AUTS2: variants seen among roughly 807,000 people sequenced by gnomAD.
AUTS2 encodes activator of transcription and developmental regulator AUTS2.
AUTS2 carries 17 observed loss-of-function variants against 112.4 expected under a neutral mutation model. The observed-to-expected ratio is 0.15, with a 90% CI of 0.10 to 0.23. AUTS2 has a LOEUF of 0.23. Ranked by LOEUF, AUTS2 falls within the 10% of genes least tolerant of loss-of-function variation. AUTS2 has a pLI of 1.00. For synonymous variants in AUTS2, 751 were observed against 702.7 expected, an observed-to-expected ratio of 1.07 and a Z score of -1.09; for missense variants, 1,510 against 1,701.6, an observed-to-expected ratio of 0.89 and a Z score of 1.98.
chr7:69,925,014 G>A (rs954722285), intron 2 of AUTS2, among the ~76,000 whole-genome samples: 1 of 152,126 alleles, frequency 6.6e-6, no homozygotes, highest in Admixed American at 6.5e-5. Context: ...GGTAATTTAT[G>A]TCTTTTCAAG....
chr7:70,278,542 A>C (rs972922675), intron 4 of AUTS2, among the ~76,000 whole-genome samples: 3 of 152,010 alleles, frequency 2.0e-5, no homozygotes, highest in Non-Finnish European at 4.4e-5. Context: ...GTGTCACTGC[A>C]CTCCAGCCTG....
chr7:70,605,281 T>C (rs2129530859), intron 5 of AUTS2, among the ~76,000 whole-genome samples: 1 of 152,328 alleles, frequency 6.6e-6, no homozygotes, highest in East Asian at 1.9e-4. Flanking sequence ...TGTTCCTGGT[T>C]TTTGACGTTG....
intron 2 of AUTS2, among the ~76,000 whole-genome samples, chr7:70,043,969 G>C (rs533013100): frequency 2.0e-5 from 3 of 152,232 alleles, no homozygotes; most frequent in Admixed American, 1.3e-4. Context: ...TGAAGGGTGG[G>C]AGTAGGGGTG....
At position 70,366,427 on chromosome 7, in the gene AUTS2, G is replaced by A. The variant is rs141888428; in HGVS notation, c.661-69325G>A. ...CAGAGAGAGAGAAAGTGGAGGCAGT[G>A]TGAGCAAAGCAGGTGAAGGCTGTGG... On this transcript the variant is annotated intron_variant, in intron 4 of 18. Coordinates refer to ENST00000342771, the MANE Select transcript of AUTS2 (RefSeq NM_015570.4). Among the ~76,000 whole-genome samples, 344 of 152,314 alleles carry A rather than the reference G, an allele frequency of 2.3e-3. 7 individuals carry two copies. In the East Asian group the frequency reaches 0.045, roughly 20 times the overall value.
At chr7:69,833,731 G>A (rs892714148) in intron 1 of AUTS2, among the ~76,000 whole-genome samples, 2 of 152,202 alleles carry the variant, frequency 1.3e-5, no homozygotes, top group East Asian at 1.9e-4. Context: ...CACTGCGCCC[G>A]GCAATTATCC....
intron 6 of AUTS2, among the ~76,000 whole-genome samples, chr7:70,735,313 A>G (rs1321369246): frequency 6.6e-6 from 1 of 152,238 alleles, no homozygotes; most frequent in Non-Finnish European, 1.5e-5. Context: ...AAGGATGTCA[A>G]AACGACATGG....
At chr7:69,732,171 G>A (rs1029301468) in intron 1 of AUTS2, among the ~76,000 whole-genome samples, 2 of 151,968 alleles carry the variant, frequency 1.3e-5, no homozygotes, top group Non-Finnish European at 2.9e-5. Flanking sequence ...TGGGTGCTGT[G>A]CCAGGCTAAT....
chr7:70,478,259 A>G (rs886652892), intron 5 of AUTS2, among the ~76,000 whole-genome samples: 1 of 152,210 alleles, frequency 6.6e-6, no homozygotes, highest in Non-Finnish European at 1.5e-5. Flanking sequence ...AAGATCACTC[A>G]TAATTCCACC....
In AUTS2 at chr7:70,162,207, G is replaced by T. The variant is rs533904823; in HGVS notation, c.660+27636G>T. On this transcript the variant is annotated intron_variant, in intron 4 of 18. Transcript: ENST00000342771. ...CACGCCTGTAATCCCAGCACTTTGG[G>T]AGGCCGAGGCGGGCGGATCACGAGG... Among the ~76,000 whole-genome samples, 10 of 152,008 alleles carry T rather than the reference G, an allele frequency of 6.6e-5. No homozygotes were observed. In the South Asian group the frequency reaches 2.1e-3, roughly 32 times the overall value.
At chr7:70,380,221 C>T (rs1793304805) in intron 4 of AUTS2, among the ~76,000 whole-genome samples, 1 of 152,200 alleles carries the variant, frequency 6.6e-6, no homozygotes, top group Admixed American at 6.5e-5. Flanking sequence ...ATTCTCTCCT[C>T]TTTTCTGATT....
chr7:69,988,624 C>T (rs1044880124), intron 2 of AUTS2, among the ~76,000 whole-genome samples: 3 of 152,112 alleles, frequency 2.0e-5, no homozygotes, highest in African/African-American at 7.2e-5. Context: ...AGGTGATAGG[C>T]ACTCAACAAA....
At chr7:70,313,850 G>A (rs903424155) in intron 4 of AUTS2, among the ~76,000 whole-genome samples, 1 of 152,188 alleles carries the variant, frequency 6.6e-6, no homozygotes, top group African/African-American at 2.4e-5. Flanking sequence ...CCGTGGAGAC[G>A]TGGGAATGGC....
At chr7:70,028,236 G>C (rs998430645) in intron 2 of AUTS2, among the ~76,000 whole-genome samples, 5 of 151,950 alleles carry the variant, frequency 3.3e-5, no homozygotes, top group African/African-American at 1.2e-4. Context: ...CCCAAGTTTA[G>C]TTCACGCATT....
At chr7:70,560,859 T>G (rs918624382) in intron 5 of AUTS2, among the ~76,000 whole-genome samples, 4 of 152,248 alleles carry the variant, frequency 2.6e-5, no homozygotes, top group Non-Finnish European at 5.9e-5. Context: ...AAATTTTTAG[T>G]GGATTTGATT....
intron 2 of AUTS2, among the ~76,000 whole-genome samples, chr7:70,040,505 T>C (rs1230463309): frequency 6.6e-6 from 1 of 152,232 alleles, no homozygotes; most frequent in Non-Finnish European, 1.5e-5. Context: ...AAAACATATA[T>C]CTTTAAGTAA....
At chr7:69,970,641 C>A (rs1797812119) in intron 2 of AUTS2, among the ~76,000 whole-genome samples, 1 of 152,176 alleles carries the variant, frequency 6.6e-6, no homozygotes, top group Admixed American at 6.5e-5. Flanking sequence ...CTAGAGGTAT[C>A]TTAAAAGGTC....
At chr7:70,445,386 G>A (rs779774507) in intron 5 of AUTS2, among the ~76,000 whole-genome samples, 1 of 152,104 alleles carries the variant, frequency 6.6e-6, no homozygotes, top group Non-Finnish European at 1.5e-5. Flanking sequence ...TCACCTACTT[G>A]TGCTGCAAGA....
At chr7:69,980,499 T>A (rs1164507244) in intron 2 of AUTS2, among the ~76,000 whole-genome samples, 2 of 152,198 alleles carry the variant, frequency 1.3e-5, no homozygotes, top group African/African-American at 4.8e-5. Context: ...GATCTGGTTA[T>A]GTACATACTT....
At chr7:70,357,847 C>T (rs1159092163) in intron 4 of AUTS2, among the ~76,000 whole-genome samples, 4 of 152,066 alleles carry the variant, frequency 2.6e-5, no homozygotes, top group Non-Finnish European at 4.4e-5. Context: ...TGTTATGCAT[C>T]GTCATTAAAT....
Sources: allele counts gnomAD v4.1 joint callset (sites outside exome capture counted in the v4.1 genomes callset), GRCh38; gene constraint gnomAD v4.1.1; transcripts MANE v1.5; gene names NCBI Gene and HGNC (gene_info 2026-07-23, HGNC 2026-07-21).